Variants in CD40 observed in about 807,000 individuals in gnomAD.
The protein encoded by CD40 is CD40 molecule, also known as tumor necrosis factor receptor superfamily member 5.
CD40 carries 19 observed loss-of-function variants against 38.5 expected under a neutral mutation model. The ratio of observed to expected loss-of-function variants is 0.49; its 90% CI spans 0.34 to 0.72. The LOEUF (loss-of-function observed/expected upper bound fraction) is 0.72, where lower values mean the gene tolerates loss of function less well. Among genes scored for constraint, CD40 ranks in the 30% least tolerant of loss-of-function variants. CD40 has a pLI of 0.01. For synonymous variants in CD40, 130 were observed against 128.7 expected (o/e 1.01, Z -0.07); for missense variants, 256 against 344.1 (o/e 0.74, Z 2.03).
chr20:46,123,300 C>T lies in CD40; in HGVS notation c.497+81C>T, dbSNP rs1266216443. Reference sequence around the variant, plus strand: ...CATTCTCTCCAGCCACCTGTCCTGTCCCTGCTCCCAGAGGTCCACACACAC... The same window carrying T: ...CATTCTCTCCAGCCACCTGTCCTGTTCCTGCTCCCAGAGGTCCACACACAC... On this transcript the variant is annotated intron_variant, in intron 5 of 8. Transcript: ENST00000372285. 149 of 1,073,602 alleles carry T rather than the reference C, an allele frequency of 1.4e-4. 1 individual carries two copies. The highest frequency in any genetic ancestry group is 1.0e-5 in the Non-Finnish European group (7 of 686,880). The allele number at this position is 1,073,602 out of a possible 1,614,324, so 66.5% of individuals were successfully genotyped here. A position where few individuals can be genotyped will look rare whatever the true frequency, so the allele number is the denominator to read the frequency against.
At chr20:46,124,110 C>T (rs911340481) in intron 5 of CD40, among the ~76,000 whole-genome samples, 7 of 152,154 alleles carry the variant, frequency 4.6e-5, no homozygotes, top group Non-Finnish European at 7.4e-5. Flanking sequence ...CCAGCCAGCA[C>T]AACATGGTAA....
Position 46,128,924 on chromosome 20 carries a change from G to T in CD40, c.718G>T (p.Asp240Tyr). Residue 240 changes from aspartate to tyrosine, a missense_variant, in exon 9 of 9, where the codon GAC (aspartate) becomes TAC (tyrosine). By Grantham distance (160) the Asp-to-Tyr change is radical. Coordinates refer to ENST00000372285, the MANE Select transcript of CD40 (RefSeq NM_001250.6). ...KQEPQEINFP[D>Y]DLPGSNTAAP... ...GGAACCCCAGGAGATCAATTTTCCCGACGATCTTCCTGGCTCCAACACTGC... is the reference window on the plus strand; with the variant it reads ...GGAACCCCAGGAGATCAATTTTCCCTACGATCTTCCTGGCTCCAACACTGC... 6.2e-7 allele frequency: 1 copy of T among 1,614,140 alleles called. No homozygotes were observed. Among genetic ancestry groups the T allele is most frequent in the Non-Finnish European group, 8.5e-7 (1 of 1,180,010 alleles).
At chr20:46,128,003 AG>A in intron 6 of CD40, 134 bp from the exon 7 acceptor site, 4 of 1,551,888 alleles carry the variant, frequency 2.6e-6, no homozygotes, top group Non-Finnish European at 3.5e-6. Flanking sequence ...CATTTCCCCA[AG>A]GACCGCGGTT....
rs2085346333 is a variant in CD40, at chr20:46,122,829, A to G, written c.403+73A>G. On this transcript the variant is annotated intron_variant, in intron 4 of 8. Transcript: ENST00000372285. This position sits in a 1 kb window ranked among gnomAD's most constrained non-coding sequence, Gnocchi z 5.0. ...TAGGGCCCAAGGTGAGGGGCTGGGC[A>G]GTGGGCACTTAGCCCCAGAGGCAGA... 6.3e-7 allele frequency: 1 copy of G among 1,578,136 alleles called. No individual in the cohort carries two copies. Among genetic ancestry groups the G allele is most frequent in the East Asian group, 2.3e-5 (1 of 44,414 alleles).
Position 46,122,730 on chromosome 20 carries a change from C to T in CD40, c.377C>T (p.Ser126Leu), listed in dbSNP as rs753176464. The T allele has an allele frequency of 4.1e-5, 66 of 1,614,014 alleles. No individual in the cohort carries two copies. The highest frequency in any genetic ancestry group is 2.9e-4 in the South Asian group (26 of 91,076). ...AGCTGTGTCCTGCACCGCTCATGCT[C>T]GCCCGGCTTTGGGGTCAAGCAGATT... ...CESCVLHRSCSPGFGVKQIAT... is the reference protein window; with the variant it reads ...CESCVLHRSCLPGFGVKQIAT... The change falls in exon 4 of 9, where the codon TCG becomes TTG. Residue 126 changes from serine to leucine, a missense_variant. Transcript: ENST00000372285. The surrounding 1 kb of genome is among the most constrained non-coding windows in gnomAD (Gnocchi z 5.0).
In CD40 at chr20:46,128,908, GGA is replaced by G; in HGVS notation, c.705_706del (p.Glu235AspfsTer71). 1 of 1,614,138 alleles carries G rather than the reference GGA, an allele frequency of 6.2e-7. No individual in the cohort carries two copies. Among genetic ancestry groups the G allele is most frequent in the Non-Finnish European group, 8.5e-7 (1 of 1,180,004 alleles). ...KAPHPKQEPQ[E>X]INFPDDLPGS... ...CCCCCCACCCCAAGCAGGAACCCCA[GGA>G]GATCAATTTTCCCGACGATCTTCCT... is the stretch of plus-strand genomic sequence containing the variant. On this transcript the variant is annotated frameshift_variant, in exon 9 of 9. Coordinates refer to ENST00000372285, the MANE Select transcript of CD40 (RefSeq NM_001250.6). LOFTEE classifies it high-confidence loss of function.
At position 46,122,818 on chromosome 20, in the gene CD40, A is replaced by G; in HGVS notation, c.403+62A>G. On this transcript the variant is annotated intron_variant, in intron 4 of 8. Coordinates refer to ENST00000372285, the MANE Select transcript of CD40 (RefSeq NM_001250.6). The surrounding 1 kb of genome is among the most constrained non-coding windows in gnomAD (Gnocchi z 5.0). ...ACAGAGGAGCTTAGGGCCCAAGGTG[A>G]GGGGCTGGGCAGTGGGCACTTAGCC... The G allele has an allele frequency of 1.9e-6, 3 of 1,602,204 alleles. No individual in the cohort carries two copies. Among genetic ancestry groups the G allele is most frequent in the Non-Finnish European group, 2.6e-6 (3 of 1,171,256 alleles).
chr20:46,128,021 T>C (rs1322112920), intron 6 of CD40, 117 bp from the exon 7 acceptor site: 11 of 1,593,498 alleles, frequency 6.9e-6, no homozygotes, highest in Non-Finnish European at 9.4e-6. Context: ...GGTTTGAACC[T>C]TCTGATGTAG....
chr20:46,128,823 C>A (rs1300481958), intron 8 of CD40, 59 bp from the exon 9 acceptor site: 5 of 1,573,172 alleles, frequency 3.2e-6, no homozygotes, highest in Non-Finnish European at 4.4e-6. Flanking sequence ...CAGGGAGGGG[C>A]TCCTCAGAGG....
In CD40 at chr20:46,122,102, G is replaced by C; in HGVS notation, c.131-131G>C. On this transcript the variant is annotated intron_variant, in intron 2 of 8. Coordinates refer to ENST00000372285, the MANE Select transcript of CD40 (RefSeq NM_001250.6). This position sits in a 1 kb window ranked among gnomAD's most constrained non-coding sequence, Gnocchi z 5.0. The stretch of plus-strand genomic sequence containing the variant: ...GGATCCCAGCTTCTCCATCTTCCTC[G>C]CCTGATTATGAAGGATCCAAGACTT... The C allele has an allele frequency of 8.0e-7, 1 of 1,246,892 alleles. No individual in the cohort carries two copies. The highest frequency in any genetic ancestry group is 1.8e-5 in the Admixed American group (1 of 55,150). 77.2% of individuals were successfully genotyped at this position (1,246,892 alleles called of 1,614,324 possible). A position where few individuals can be genotyped will look rare whatever the true frequency, so the allele number is the denominator to read the frequency against.
intron 6 of CD40, 72 bp from the exon 7 acceptor site, chr20:46,128,066 C>A: frequency 6.2e-7 from 1 of 1,613,430 alleles, no homozygotes; most frequent in Non-Finnish European, 8.5e-7. Context: ...TGGAGTCTGA[C>A]AAGTCACAGC....
In CD40 at chr20:46,129,125, G is replaced by A; in HGVS notation, c.*85G>A. The A allele has an allele frequency of 6.7e-7, 1 of 1,502,486 alleles. No homozygotes were observed. Among genetic ancestry groups the A allele is most frequent in the Non-Finnish European group, 9.2e-7 (1 of 1,084,962 alleles). 93.1% of individuals were successfully genotyped at this position (1,502,486 alleles called of 1,614,324 possible). Reference sequence around the variant, plus strand: ...GGTGCTGCTGCTGCTGTGGCGTGAGGGTGAGGGGCTGGCACTGACTGGGCA... The same window carrying A: ...GGTGCTGCTGCTGCTGTGGCGTGAGAGTGAGGGGCTGGCACTGACTGGGCA... On this transcript the variant is annotated 3_prime_UTR_variant, in exon 9 of 9. Coordinates refer to ENST00000372285, the MANE Select transcript of CD40 (RefSeq NM_001250.6).
intron 6 of CD40, 77 bp from the exon 7 acceptor site, chr20:46,128,061 T>A: frequency 6.2e-6 from 10 of 1,612,810 alleles, no homozygotes; most frequent in Non-Finnish European, 7.6e-6. Flanking sequence ...GATTCTGGAG[T>A]CTGACAAGTC....
In CD40 at chr20:46,128,889, A is replaced by G; in HGVS notation, c.683A>G (p.His228Arg). 1 of 1,613,928 alleles carries G rather than the reference A, an allele frequency of 6.2e-7. No individual in the cohort carries two copies. Among genetic ancestry groups the G allele is most frequent in the Non-Finnish European group, 8.5e-7 (1 of 1,179,934 alleles). Residue 228 changes from histidine to arginine, a missense_variant, in exon 9 of 9, where the codon CAC becomes CGC. Coordinates refer to ENST00000372285, the MANE Select transcript of CD40 (RefSeq NM_001250.6). ...VAKKPTNKAP[H>R]PKQEPQEINF... Reference sequence around the variant, plus strand: ...CACACCTTGCCTCTCCAGGCCCCCCACCCCAAGCAGGAACCCCAGGAGATC... The same window carrying G: ...CACACCTTGCCTCTCCAGGCCCCCCGCCCCAAGCAGGAACCCCAGGAGATC...
intron 5 of CD40, among the ~76,000 whole-genome samples, chr20:46,124,897 G>A (rs6104474): frequency 6.6e-6 from 1 of 150,850 alleles, no homozygotes; most frequent in South Asian, 2.1e-4. Flanking sequence ...CTCCTGAGTA[G>A]CTGGGACTAT....
chr20:46,128,809 T>G, intron 8 of CD40, 73 bp from the exon 9 acceptor site: 1 of 1,532,432 alleles, frequency 6.5e-7, no homozygotes, highest in Non-Finnish European at 9.0e-7. Flanking sequence ...AGGGATCCGC[T>G]TCCCAGGGAG....
At position 46,128,000 on chromosome 20, in the gene CD40, C is replaced by T. The variant is rs1025513158; in HGVS notation, c.560-138C>T. On this transcript the variant is annotated intron_variant, in intron 6 of 8. Transcript: ENST00000372285. ...AAAGACATCTGCCAGCCACATTTCC[C>T]CAAGGACCGCGGTTTGAACCTTCTG... 1.2e-5 allele frequency: 18 copies of T among 1,546,008 alleles called. No homozygotes were observed. In the East Asian group the frequency reaches 4.0e-4, roughly 35 times the overall value.
chr20:46,126,026 T>C (rs544178558), intron 5 of CD40, among the ~76,000 whole-genome samples: 1 of 152,288 alleles, frequency 6.6e-6, no homozygotes, highest in African/African-American at 2.4e-5. Flanking sequence ...CTCAGGGAAG[T>C]CTTTCTGGAA....
In CD40 at chr20:46,122,943, C is replaced by G; in HGVS notation, c.404-183C>G. ...TCATTCTGCCTTCTGCCATGGGGAT[C>G]TGCCTTTGAAGGGCAATGGGAGAAG... On this transcript the variant is annotated intron_variant, in intron 4 of 8. Transcript: ENST00000372285. The surrounding 1 kb of genome is among the most constrained non-coding windows in gnomAD (Gnocchi z 5.0). 1.1e-6 allele frequency: 1 copy of G among 923,748 alleles called. No individual in the cohort carries two copies. The highest frequency in any genetic ancestry group is 1.6e-5 in the African/African-American group (1 of 61,176). The allele number at this position is 923,748 out of a possible 1,614,324, so 57.2% of individuals were successfully genotyped here.
Sources: gnomAD v4.1 joint callset for allele counts (sites outside exome capture counted in the v4.1 genomes callset) on GRCh38, gnomAD v4.1.1 for gene constraint, Gnocchi (gnomAD v3.1) non-coding constraint, MANE v1.5 for transcripts, NCBI Gene and HGNC (gene_info 2026-07-23, HGNC 2026-07-21) for gene names.